Variants in PLIN2 observed in about 807,000 individuals in gnomAD.
PLIN2 encodes the protein perilipin-2.
PLIN2 carries 33 observed loss-of-function variants against 30.6 expected under a neutral mutation model. The observed-to-expected ratio is 1.08, with a 90% CI of 0.82 to 1.44. PLIN2 has a LOEUF of 1.44. PLIN2 is among the 40% of genes most tolerant of loss of function. The pLI is 0.00. For synonymous variants in PLIN2, 205 were observed against 201.1 expected (o/e 1.02, Z -0.16); for missense variants, 610 against 531.8 (o/e 1.15, Z -1.45).
chr9:19,126,593 C>G (rs1037619675), intron 1 of PLIN2, 145 bp from the exon 2 acceptor site: 2 of 617,462 alleles, frequency 3.2e-6, no homozygotes, highest in Non-Finnish European at 5.7e-6. Flanking sequence ...CTCTCCAGCT[C>G]TCCAGGTCCC....
At chr9:19,121,812 C>A (rs991975149) in intron 4 of PLIN2, among the ~76,000 whole-genome samples, 5 of 152,196 alleles carry the variant, frequency 3.3e-5, no homozygotes, top group Admixed American at 3.3e-4. Context: ...ATGCCTGTAA[C>A]CCCAGCTACT....
Position 19,123,564 on chromosome 9 carries a change from C to A in PLIN2, c.309+1G>T. ...TCTCAGCACTTTTGTCCCAAGCTCACCTGAGTTGATGGCTGATTCAGAATA... is the reference window on the plus strand; with the variant it reads ...TCTCAGCACTTTTGTCCCAAGCTCAACTGAGTTGATGGCTGATTCAGAATA... On this transcript the variant is annotated splice_donor_variant, in intron 4 of 7. Coordinates refer to ENST00000276914, the MANE Select transcript of PLIN2 (RefSeq NM_001122.4). LOFTEE classifies it high-confidence loss of function. The A allele has an allele frequency of 6.2e-7, 1 of 1,614,180 alleles. No homozygotes were observed. The highest frequency in any genetic ancestry group is 8.5e-7 in the Non-Finnish European group (1 of 1,180,028).
chr9:19,120,825 G>T (rs1818302208), intron 5 of PLIN2, 55 bp downstream of exon 5: 7 of 1,354,538 alleles, frequency 5.2e-6, no homozygotes, highest in African/African-American at 4.3e-5. Flanking sequence ...TGTCAATGAA[G>T]CTGTTTAAGA....
intron 6 of PLIN2, 145 bp from the exon 7 acceptor site, chr9:19,118,600 T>A: frequency 1.5e-6 from 1 of 646,720 alleles, no homozygotes; most frequent in Non-Finnish European, 2.5e-6. Flanking sequence ...TCATTATTAT[T>A]TATTATCAAT....
intron 3 of PLIN2, among the ~76,000 whole-genome samples, chr9:19,124,253 G>A (rs1818363890): frequency 6.6e-6 from 1 of 152,096 alleles, no homozygotes; most frequent in African/African-American, 2.4e-5. Flanking sequence ...GAGTAGCCGG[G>A]CTTTCCCTGA....
At chr9:19,121,763 C>T (rs1463092214) in intron 4 of PLIN2, among the ~76,000 whole-genome samples, 1 of 152,124 alleles carries the variant, frequency 6.6e-6, no homozygotes, top group Non-Finnish European at 1.5e-5. Context: ...GAAACCCCGT[C>T]TCTACTAAAT....
In PLIN2 at chr9:19,116,015, A is replaced by G. The variant is rs1331558085; in HGVS notation, c.*233T>C. 2.5e-6 allele frequency: 1 copy of G among 403,536 alleles called. No individual in the cohort carries two copies. Among genetic ancestry groups the G allele is most frequent in the African/African-American group, 2.0e-5 (1 of 49,516 alleles). 25.0% of individuals were successfully genotyped at this position (403,536 alleles called of 1,614,324 possible). On this transcript the variant is annotated 3_prime_UTR_variant, in exon 8 of 8. Transcript: ENST00000276914. ...CATAAGTGCATTTGAATTTTTTCTG[A>G]GTTCTGGCTATAGGCTCTGACAAGC...
chr9:19,123,744 G>A, intron 3 of PLIN2, 97 bp from the exon 4 acceptor site: 1 of 1,071,426 alleles, frequency 9.3e-7, no homozygotes, highest in South Asian at 1.5e-5. Flanking sequence ...TAATGGGCTG[G>A]GCACGGTGGC....
At chr9:19,123,314 A>C (rs1047727066) in intron 4 of PLIN2, 1 of 1,529,576 alleles carries the variant, frequency 6.5e-7, no homozygotes, top group Non-Finnish European at 8.8e-7. Context: ...TATAGGAGCA[A>C]AGACACAAAC....
At chr9:19,124,889 A>G (rs537516332) in intron 3 of PLIN2, among the ~76,000 whole-genome samples, 1 of 152,332 alleles carries the variant, frequency 6.6e-6, no homozygotes, top group South Asian at 2.1e-4. Flanking sequence ...ACTATTCAAC[A>G]ATAAAAAGAG....
chr9:19,123,896 G>T (rs1471183140), intron 3 of PLIN2, among the ~76,000 whole-genome samples: 1 of 151,852 alleles, frequency 6.6e-6, no homozygotes, highest in Non-Finnish European at 1.5e-5. Flanking sequence ...GTGTGCGCCT[G>T]TAGTCCCAGC....
chr9:19,118,200 T>C (rs751351977), intron 7 of PLIN2, 121 bp downstream of exon 7: 55 of 968,364 alleles, frequency 5.7e-5, no homozygotes, highest in Non-Finnish European at 7.9e-5. Flanking sequence ...CCTATGTACA[T>C]GGTATTGTTC....
At chr9:19,117,815 C>T (rs1818252522) in intron 7 of PLIN2, among the ~76,000 whole-genome samples, 1 of 151,992 alleles carries the variant, frequency 6.6e-6, no homozygotes, top group Admixed American at 6.6e-5. Context: ...GACAGGGTTT[C>T]ACCATGTTGG....
rs1293033590 is a variant in PLIN2, at chr9:19,123,500, T to C, written c.309+65A>G. 4.3e-6 allele frequency: 7 copies of C among 1,611,832 alleles called. No homozygotes were observed. In the Admixed American group the frequency reaches 1.2e-4, roughly 27 times the overall value. The stretch of plus-strand genomic sequence containing the variant: ...GCCTGTTTGTGATATGTACAGCTTG[T>C]TTTAACAGATAGAAGATGAAAACAT... On this transcript the variant is annotated intron_variant, in intron 4 of 7. Transcript: ENST00000276914.
downstream of PLIN2, among the ~76,000 whole-genome samples, chr9:19,114,548 C>T (rs1818195932): frequency 2.6e-5 from 4 of 151,986 alleles, no homozygotes; most frequent in South Asian, 4.1e-4. Flanking sequence ...GGATTATAGG[C>T]GTGCACCACC....
At chr9:19,123,714 G>A in intron 3 of PLIN2, 67 bp from the exon 4 acceptor site, 3 of 1,384,896 alleles carry the variant, frequency 2.2e-6, no homozygotes, top group Non-Finnish European at 2.0e-6. Context: ...CATTACCATA[G>A]GCCTTATAAA....
chr9:19,123,124 G>A, intron 4 of PLIN2: 1 of 510,816 alleles, frequency 2.0e-6, no homozygotes, highest in Non-Finnish European at 3.5e-6. Context: ...GACATTATCT[G>A]AACCAAAGGA....
At chr9:19,114,409 A>T (rs10963967), downstream of PLIN2, among the ~76,000 whole-genome samples, 8,758 of 144,258 alleles carry the variant, frequency 0.061, 303 homozygotes, top group East Asian at 0.11. Flanking sequence ...TCTATTTCAC[A>T]TTTTTTTTTT....
chr9:19,119,540 G>T, intron 6 of PLIN2, 110 bp downstream of exon 6: 1 of 657,196 alleles, frequency 1.5e-6, no homozygotes, highest in East Asian at 2.6e-5. Flanking sequence ...TTTCTATTGG[G>T]TTGTTTGTCA....
Sources: allele counts gnomAD v4.1 joint callset (sites outside exome capture counted in the v4.1 genomes callset), GRCh38; gene constraint gnomAD v4.1.1; transcripts MANE v1.5; gene names NCBI Gene and HGNC (gene_info 2026-07-23, HGNC 2026-07-21).